Variants in ST8SIA2 observed in about 807,000 individuals in gnomAD.
The protein encoded by ST8SIA2 is alpha-2,8-sialyltransferase 8B.
A neutral mutation model predicts 37.6 loss-of-function variants in ST8SIA2; 22 were observed. The observed-to-expected ratio is 0.58, with a 90% confidence interval of 0.42 to 0.83. ST8SIA2 has a LOEUF of 0.83. ST8SIA2 is among the 40% of genes least tolerant of loss of function. The pLI is 0.00. For synonymous variants in ST8SIA2, 205 were observed against 201.2 expected, an observed-to-expected ratio of 1.02 and a Z score of -0.16; for missense variants, 382 against 484.7, an observed-to-expected ratio of 0.79 and a Z score of 1.99.
At chr15:92,405,406 T>C (rs1025915716) in intron 1 of ST8SIA2, among the ~76,000 whole-genome samples, 1 of 152,238 alleles carries the variant, frequency 6.6e-6, no homozygotes, top group African/African-American at 2.4e-5. Flanking sequence ...ATGGTAATGA[T>C]AGCTGCAGAA....
chr15:92,443,369 C>T (rs2049816898), intron 4 of ST8SIA2, among the ~76,000 whole-genome samples: 3 of 152,136 alleles, frequency 2.0e-5, no homozygotes, highest in African/African-American at 7.2e-5. Context: ...ACACCCAGGC[C>T]GGGTCTCCCA....
intron 1 of ST8SIA2, among the ~76,000 whole-genome samples, chr15:92,415,562 C>A (rs1461312239): frequency 6.6e-6 from 1 of 151,516 alleles, no homozygotes; most frequent in Non-Finnish European, 1.5e-5. Context: ...AGCATATACA[C>A]CCCCCACCCC....
chr15:92,437,943 G>A (rs1227820019), intron 3 of ST8SIA2, among the ~76,000 whole-genome samples: 1 of 152,192 alleles, frequency 6.6e-6, no homozygotes, highest in African/African-American at 2.4e-5. Context: ...CTCACCAAAT[G>A]TCTGGGTGTG....
intron 1 of ST8SIA2, chr15:92,422,250 A>T (rs2049640471): frequency 6.6e-6 from 1 of 152,242 alleles, no homozygotes; most frequent in South Asian, 2.1e-4. Flanking sequence ...AGTTCAGGAA[A>T]TATGACCTTG....
At chr15:92,417,842 C>T (rs534716678) in intron 1 of ST8SIA2, among the ~76,000 whole-genome samples, 5 of 152,300 alleles carry the variant, frequency 3.3e-5, no homozygotes, top group East Asian at 1.9e-4. Flanking sequence ...GTCTGGGTCA[C>T]GCCTTATCCT....
chr15:92,418,437 G>A (rs571046222), intron 1 of ST8SIA2, among the ~76,000 whole-genome samples: 8 of 145,502 alleles, frequency 5.5e-5, no homozygotes, highest in African/African-American at 1.8e-4. Context: ...ACTCTAGTCT[G>A]GGCGACAGGA....
At chr15:92,438,164 T>C (rs541149081) in intron 3 of ST8SIA2, among the ~76,000 whole-genome samples, 189 bp from the exon 4 acceptor site, 9 of 152,186 alleles carry the variant, frequency 5.9e-5, no homozygotes, top group Non-Finnish European at 1.0e-4. Flanking sequence ...ACCACCGTAG[T>C]TGCTTCTGGG....
intron 1 of ST8SIA2, among the ~76,000 whole-genome samples, chr15:92,395,052 A>C (rs948112249): frequency 6.6e-6 from 1 of 152,150 alleles, no homozygotes; most frequent in Middle Eastern, 3.4e-3. Context: ...TGTGTGTCCC[A>C]GGGGCTGAGA....
rs563446922 is a variant in ST8SIA2 at position 92,394,615 on chromosome 15, G to A, written c.98+453G>A. The stretch of plus-strand genomic sequence containing the variant: ...GGGCGCGCAGGGATCTCTGAGCTGG[G>A]GGAGGGGTTCCTGGGGCCGGAGCGG... On this transcript the variant is annotated intron_variant, in intron 1 of 5. Transcript: ENST00000268164. Among the ~76,000 whole-genome samples, 279 of 152,290 alleles carry A rather than the reference G, an allele frequency of 1.8e-3. 1 individual carries two copies. The highest frequency in any genetic ancestry group is 6.8e-3 in the Middle Eastern group (2 of 294).
intron 1 of ST8SIA2, among the ~76,000 whole-genome samples, chr15:92,394,712 C>T (rs983733197): frequency 1.8e-4 from 28 of 152,246 alleles, no homozygotes; most frequent in African/African-American, 6.3e-4. Flanking sequence ...CACGCGCCTC[C>T]CGCCGGCCCG....
At chr15:92,434,147 G>T in intron 2 of ST8SIA2, 100 bp from the exon 3 acceptor site, 3 of 1,563,564 alleles carry the variant, frequency 1.9e-6, no homozygotes, top group Non-Finnish European at 2.6e-6. Context: ...CTCTTCTGGA[G>T]AAGTTTACAT....
intron 1 of ST8SIA2, among the ~76,000 whole-genome samples, chr15:92,428,829 T>C (rs2049694879): frequency 6.6e-6 from 1 of 152,242 alleles, no homozygotes; most frequent in African/African-American, 2.4e-5. Flanking sequence ...CATAATACCC[T>C]TTCTGTTGTC....
chr15:92,404,041 C>T (rs1364771419), intron 1 of ST8SIA2, among the ~76,000 whole-genome samples: 1 of 152,182 alleles, frequency 6.6e-6, no homozygotes, highest in Non-Finnish European at 1.5e-5. Context: ...CAGGCCCTTC[C>T]CCAACCTGCC....
intron 1 of ST8SIA2, among the ~76,000 whole-genome samples, chr15:92,419,959 G>C (rs2049620234): frequency 6.6e-6 from 1 of 152,178 alleles, no homozygotes; most frequent in Admixed American, 6.6e-5. Flanking sequence ...TCCGCCTCCT[G>C]AGTTCAAGCG....
chr15:92,433,779 G>A (rs2049734171), intron 2 of ST8SIA2, among the ~76,000 whole-genome samples: 1 of 152,208 alleles, frequency 6.6e-6, no homozygotes. Flanking sequence ...TCAAGAGAGT[G>A]ATGGGGCTGC....
chr15:92,411,465 G>T (rs990308265), intron 1 of ST8SIA2, among the ~76,000 whole-genome samples: 2 of 152,204 alleles, frequency 1.3e-5, no homozygotes, highest in African/African-American at 4.8e-5. Context: ...ACAGCTGCAT[G>T]AACAACTGAG....
At chr15:92,462,201 T>G (rs1022202093) in intron 5 of ST8SIA2, among the ~76,000 whole-genome samples, 2 of 152,058 alleles carry the variant, frequency 1.3e-5, no homozygotes, top group African/African-American at 2.4e-5. Context: ...GAAGGGGAGA[T>G]TCAAGTCACC....
chr15:92,395,056 G>C (rs1318165671), intron 1 of ST8SIA2, among the ~76,000 whole-genome samples: 5 of 152,156 alleles, frequency 3.3e-5, no homozygotes, highest in Admixed American at 6.5e-5. Context: ...TGTCCCAGGG[G>C]CTGAGACTCG....
rs1387866612 is a variant in ST8SIA2 at position 92,418,665 on chromosome 15, TTTGA to T, written c.99-11379_99-11376del. Among the ~76,000 whole-genome samples, 3 of 152,236 alleles carry T rather than the reference TTTGA, an allele frequency of 2.0e-5. No homozygotes were observed. In the South Asian group the frequency reaches 6.2e-4, roughly 32 times the overall value. ...GAGGCATCACTCTTACAGAGTGAAC[TTTGA>T]TTGAGGGGGAGAGAAGCTGTTTAGT... On this transcript the variant is annotated intron_variant, in intron 1 of 5. Coordinates refer to ENST00000268164, the MANE Select transcript of ST8SIA2 (RefSeq NM_006011.4).
Sources: allele counts gnomAD v4.1 joint callset (sites outside exome capture counted in the v4.1 genomes callset), GRCh38; gene constraint gnomAD v4.1.1; transcripts MANE v1.5; gene names NCBI Gene and HGNC (gene_info 2026-07-23, HGNC 2026-07-21).